Variants in CYP24A1 observed in about 807,000 individuals in gnomAD.
CYP24A1 encodes cytochrome P450 family 24 subfamily A member 1, also known as 1,25-dihydroxyvitamin D(3) 24-hydroxylase, mitochondrial.
A neutral mutation model predicts 62.4 loss-of-function variants in CYP24A1; 68 were observed. The observed-to-expected ratio is 1.09, with a 90% CI of 0.90 to 1.33. The LOEUF (loss-of-function observed/expected upper bound fraction) is 1.33. Among genes scored for constraint, CYP24A1 ranks in the 40% most tolerant of loss-of-function variants. The pLI is 0.00. For missense variants in CYP24A1, 787 were observed against 653.0 expected, an observed-to-expected ratio of 1.21 and a Z score of -2.24; for synonymous variants, 267 against 253.0, an observed-to-expected ratio of 1.06 and a Z score of -0.52.
Position 54,157,182 on chromosome 20 carries a change from T to C in CYP24A1, c.1542A>G (p.Arg514=). Residue 514 remains arginine, a synonymous_variant, in exon 11 of 12, where the codon CGA becomes CGG. Transcript: ENST00000216862. ...SRELPIAFCQ[R] ...CTAGATGCTCACCTGAGGCGTATTA[T>C]CGCTGGCAAAACGCGATGGGGAGTT... 1 of 1,559,574 alleles carries C rather than the reference T, an allele frequency of 6.4e-7. No individual in the cohort carries two copies. Among genetic ancestry groups the C allele is most frequent in the South Asian group, 1.1e-5 (1 of 89,746 alleles).
Position 54,157,385 on chromosome 20 carries a change from T to C in CYP24A1, c.1434+3A>G. 1 of 1,574,518 alleles carries C rather than the reference T, an allele frequency of 6.4e-7. No homozygotes were observed. The highest frequency in any genetic ancestry group is 2.2e-5 in the East Asian group (1 of 44,710). ...TAATTGCAGAAACCGGTAAAGGTTT[T>C]ACCCAACAAAGAGCCAAATGCAGTT... On this transcript the variant is annotated splice_donor_region_variant and intron_variant, in intron 10 of 11. Coordinates refer to ENST00000216862, the MANE Select transcript of CYP24A1 (RefSeq NM_000782.5).
chr20:54,163,323 TAC>T (rs1195227046), intron 6 of CYP24A1, among the ~76,000 whole-genome samples: 1 of 152,166 alleles, frequency 6.6e-6, no homozygotes, highest in Non-Finnish European at 1.5e-5. Flanking sequence ...ATACCCCACA[TAC>T]ATACGCACAA....
chr20:54,173,307 C>G lies in CYP24A1; in HGVS notation c.258+15G>C. ...AAGAGGGAGGAGAGAGTCAGGGGCG[C>G]GAAAAGGGGTTTACCAGGGTGTCGT... On this transcript the variant is annotated intron_variant, in intron 1 of 11. Coordinates refer to ENST00000216862, the MANE Select transcript of CYP24A1 (RefSeq NM_000782.5). This position sits in a 1 kb window ranked among gnomAD's most constrained non-coding sequence, Gnocchi z 7.2. 1.2e-6 allele frequency: 2 copies of G among 1,604,088 alleles called. No homozygotes were observed. The highest frequency in any genetic ancestry group is 1.7e-6 in the Non-Finnish European group (2 of 1,172,708).
downstream of CYP24A1, among the ~76,000 whole-genome samples, chr20:54,150,114 T>A (rs963641856): frequency 6.6e-6 from 1 of 152,144 alleles, no homozygotes; most frequent in Non-Finnish European, 1.5e-5. Flanking sequence ...CACAAAAAAA[T>A]TTGCAACCTC....
At chr20:54,161,097 A>C (rs2092648591) in intron 7 of CYP24A1, among the ~76,000 whole-genome samples, 1 of 152,234 alleles carries the variant, frequency 6.6e-6, no homozygotes, top group African/African-American at 2.4e-5. Context: ...CTAATGCCTT[A>C]CCCAGGCTGG....
Position 54,157,501 on chromosome 20 carries a change from GCC to G in CYP24A1, c.1319_1320del (p.Trp440SerfsTer8). 1.9e-6 allele frequency: 3 copies of G among 1,595,856 alleles called. No individual in the cohort carries two copies. The South Asian group carries it at 3.3e-5, about 18-fold the overall frequency. The stretch of plus-strand genomic sequence containing the variant: ...GGATTAATTTTTTCCTTCTCCTGAA[GCC>G]AACGTTCAGGTCTAAACTGACTTGA... ...EDSSQFRPER[W>X]LQEKEKINPF... is the part of the protein sequence containing the mutation. On this transcript the variant is annotated frameshift_variant, in exon 10 of 12. Coordinates refer to ENST00000216862, the MANE Select transcript of CYP24A1 (RefSeq NM_000782.5). LOFTEE classifies it high-confidence loss of function.
downstream of CYP24A1, among the ~76,000 whole-genome samples, chr20:54,151,285 G>A (rs573937757): frequency 7.9e-5 from 12 of 152,220 alleles, no homozygotes; most frequent in African/African-American, 1.9e-4. Context: ...CTGTCCTGGC[G>A]CTGGTGGGAG....
At position 54,169,534 on chromosome 20, in the gene CYP24A1, T is replaced by C. The variant is rs4809960; in HGVS notation, c.640+58A>G. 0.23 allele frequency: 377,815 copies of C among 1,611,864 alleles called. 45,512 individuals carry two copies. Among genetic ancestry groups the C allele is most frequent in the Middle Eastern group, 0.25 (1,527 of 6,056 alleles). ...TACAAAAGAGTTGTCAAAAGAGCCA[T>C]GTTTTATCCGCAAAATCACCTGCAA... On this transcript the variant is annotated intron_variant, in intron 4 of 11. Coordinates refer to ENST00000216862, the MANE Select transcript of CYP24A1 (RefSeq NM_000782.5).
chr20:54,171,705 T>C (rs1306264045), intron 2 of CYP24A1, 35 bp from the exon 3 acceptor site: 1 of 1,613,714 alleles, frequency 6.2e-7, no homozygotes, highest in South Asian at 1.1e-5. Context: ...TAGAGCACAC[T>C]GAAAAGAAAA....
chr20:54,163,576 C>A (rs2092660321), intron 6 of CYP24A1, among the ~76,000 whole-genome samples: 1 of 152,174 alleles, frequency 6.6e-6, no homozygotes, highest in Non-Finnish European at 1.5e-5. Flanking sequence ...TGGCTAACTT[C>A]TATGTGTCTC....
In CYP24A1 at chr20:54,172,946, GA is replaced by G; in HGVS notation, c.411del (p.Arg138AlafsTer11). 6.2e-7 allele frequency: 1 copy of G among 1,613,672 alleles called. No homozygotes were observed. The highest frequency in any genetic ancestry group is 1.1e-5 in the South Asian group (1 of 91,086). On this transcript the variant is annotated frameshift_variant, in exon 2 of 12. Coordinates refer to ENST00000216862, the MANE Select transcript of CYP24A1 (RefSeq NM_000782.5). LOFTEE classifies it high-confidence loss of function. ...CCGTAGCCTTCTTTGCGGTAGTCGC[GA>G]TAGGCCTTCCACGGTTTGATCTCCA... Reference protein sequence around the residue: ...QRLEIKPWKAYRDYRKEGYGL... With the variant: ...QRLEIKPWKAXRDYRKEGYGL...
chr20:54,171,906 A>G, intron 2 of CYP24A1: 1 of 1,039,186 alleles, frequency 9.6e-7, no homozygotes. Flanking sequence ...AGATTGCACC[A>G]AAAAGTTGAA....
At chr20:54,163,594 C>A (rs1472972527) in intron 6 of CYP24A1, among the ~76,000 whole-genome samples, 1 of 147,748 alleles carries the variant, frequency 6.8e-6, no homozygotes, top group African/African-American at 2.5e-5. Flanking sequence ...CTCAGGTACC[C>A]CTCTCAGGGC....
chr20:54,172,924 T>C lies in CYP24A1; in HGVS notation c.434A>G (p.Tyr145Cys), dbSNP rs1317485924. Residue 145 changes from tyrosine to cysteine, a missense_variant, in exon 2 of 12, where the codon TAC becomes TGC. By Grantham distance (194) the Tyr-to-Cys change is radical. Coordinates refer to ENST00000216862, the MANE Select transcript of CYP24A1 (RefSeq NM_000782.5). ...TTGGACTCACAGGATCAGCAGCCCG[T>C]AGCCTTCTTTGCGGTAGTCGCGATA... is the stretch of plus-strand genomic sequence containing the variant. ...KAYRDYRKEGYGLLILEGEDW... is the reference protein window; with the variant it reads ...KAYRDYRKEGCGLLILEGEDW... 9.3e-6 allele frequency: 15 copies of C among 1,613,816 alleles called. No individual in the cohort carries two copies. Among genetic ancestry groups the C allele is most frequent in the Non-Finnish European group, 1.3e-5 (15 of 1,180,030 alleles).
chr20:54,173,515 C>T lies in CYP24A1; in HGVS notation c.65G>A (p.Arg22Lys), dbSNP rs1449248210. 6.4e-7 allele frequency: 1 copy of T among 1,571,794 alleles called. No homozygotes were observed. Among genetic ancestry groups the T allele is most frequent in the South Asian group, 1.2e-5 (1 of 86,178 alleles). The stretch of plus-strand genomic sequence containing the variant: ...AGATGTCACCAGTCTCGGGGGCTGC[C>T]TCGGACTGCGCAGCTGCTGCAGGAA... ...AAFLQQLRSP[R>K]QPPRLVTSTA... is the part of the protein sequence containing the mutation. The change falls in exon 1 of 12, where the codon AGG becomes AAG. Residue 22 changes from arginine (R) to lysine (K), a missense_variant. Arg to Lys is a conservative substitution (Grantham distance 26). Coordinates refer to ENST00000216862, the MANE Select transcript of CYP24A1 (RefSeq NM_000782.5). The surrounding 1 kb of genome is among the most constrained non-coding windows in gnomAD (Gnocchi z 7.2).
In CYP24A1 at chr20:54,157,217, G is replaced by A; in HGVS notation, c.1507C>T (p.Pro503Ser). 1 of 1,612,484 alleles carries A rather than the reference G, an allele frequency of 6.2e-7. No individual in the cohort carries two copies. Residue 503 changes from proline to serine, a missense_variant, in exon 11 of 12, where the codon CCC becomes TCC. Pro to Ser is a moderately conservative substitution (Grantham distance 74). Transcript: ENST00000216862. ...VEMLHSGTLV[P>S]SRELPIAFCQ... ...AACGCGATGGGGAGTTCCCGGCTGGGCACCAGGGTGCCTGAGTGTAGCATC... is the reference window on the plus strand; with the variant it reads ...AACGCGATGGGGAGTTCCCGGCTGGACACCAGGGTGCCTGAGTGTAGCATC...
chr20:54,171,992 T>G, intron 2 of CYP24A1: 2 of 411,226 alleles, frequency 4.9e-6, no homozygotes, highest in Non-Finnish European at 8.9e-6. Flanking sequence ...GGACAATTCC[T>G]AGCGGTAAAA....
chr20:54,169,689 C>A lies in CYP24A1; in HGVS notation c.544-1G>T. 1 of 1,614,050 alleles carries A rather than the reference C, an allele frequency of 6.2e-7. No homozygotes were observed. The highest frequency in any genetic ancestry group is 8.5e-7 in the Non-Finnish European group (1 of 1,180,016). On this transcript the variant is annotated splice_acceptor_variant, in intron 3 of 11. Coordinates refer to ENST00000216862, the MANE Select transcript of CYP24A1 (RefSeq NM_000782.5). LOFTEE classifies it high-confidence loss of function. Reference sequence around the variant, plus strand: ...TTCTGCCCATAAAATCGGCCAAGACCTTCAAAGAAAACAACCGCAAAAGAC... The same window carrying A: ...TTCTGCCCATAAAATCGGCCAAGACATTCAAAGAAAACAACCGCAAAAGAC...
At chr20:54,158,273 A>G in intron 8 of CYP24A1, 109 bp from the exon 9 acceptor site, 1 of 1,557,884 alleles carries the variant, frequency 6.4e-7, no homozygotes, top group Non-Finnish European at 8.7e-7. Context: ...GTGCATACTC[A>G]AAGAGGCAGC....
Sources: allele counts gnomAD v4.1 joint callset (sites outside exome capture counted in the v4.1 genomes callset), GRCh38; gene constraint gnomAD v4.1.1; non-coding constraint Gnocchi (gnomAD v3.1); transcripts MANE v1.5; gene names NCBI Gene and HGNC (gene_info 2026-07-23, HGNC 2026-07-21).